Variants in ZNF503 observed in about 807,000 individuals in gnomAD.
The protein encoded by ZNF503 is zinc finger protein 503.
In ZNF503, 15 loss-of-function variants were observed where a neutral mutation model predicts 34.4. That is an observed-to-expected ratio of 0.44 (90% CI 0.29 to 0.67). The LOEUF (loss-of-function observed/expected upper bound fraction) is 0.67, where lower values mean the gene tolerates loss of function less well. Among genes scored for constraint, ZNF503 ranks in the 30% least tolerant of loss-of-function variants. ZNF503 has a pLI of 0.13. For missense variants in ZNF503, 1,007 were observed against 926.8 expected, an observed-to-expected ratio of 1.09 and a Z score of -1.12; for synonymous variants, 580 against 456.8, an observed-to-expected ratio of 1.27 and a Z score of -3.44.
At chr10:75,286,963 G>A in the ZNF503 span, among the ~76,000 whole-genome samples, 1 of 152,188 alleles carries the variant, frequency 6.6e-6, no homozygotes, top group Non-Finnish European at 1.5e-5. Context: ...CACTGGGAGT[G>A]AGGTGTGATC....
the ZNF503 span, among the ~76,000 whole-genome samples, chr10:75,328,024 A>C: frequency 6.6e-6 from 1 of 152,078 alleles, no homozygotes. Flanking sequence ...AATAGTTTGA[A>C]AATGTTTTCT....
the ZNF503 span, among the ~76,000 whole-genome samples, chr10:75,311,307 G>C: frequency 6.6e-6 from 1 of 152,098 alleles, no homozygotes; most frequent in African/African-American, 2.4e-5. Flanking sequence ...ACCCAGTTTG[G>C]GGGTGGGTCT....
At chr10:75,311,616 G>A in the ZNF503 span, among the ~76,000 whole-genome samples, 1 of 145,876 alleles carries the variant, frequency 6.9e-6, no homozygotes, top group East Asian at 2.1e-4. Flanking sequence ...TTGAGGCCAG[G>A]AGTTTGAGAA....
rs1000173764 is a variant in ZNF503, at chr10:75,399,910, C to T, written c.780G>A (p.Val260=). The change falls in exon 2 of 2, where the codon GTG becomes GTA. Residue 260 remains valine (V), a synonymous_variant. Transcript: ENST00000372524. ...EGKDDKKDTD[V]GGGGKGTGGA... ...CCCCGGTGCCCTTGCCACCGCCGCC[C>T]ACGTCGGTGTCTTTCTTGTCGTCCT... The T allele has an allele frequency of 6.2e-7, 1 of 1,605,070 alleles. No individual in the cohort carries two copies. The highest frequency in any genetic ancestry group is 1.3e-5 in the African/African-American group (1 of 74,828).
chr10:75,297,884 C>T, the ZNF503 span, among the ~76,000 whole-genome samples: 2 of 152,202 alleles, frequency 1.3e-5, no homozygotes, highest in South Asian at 4.1e-4. Context: ...ATTCTCATCC[C>T]AGCTTCTCCC....
chr10:75,316,978 G>T, the ZNF503 span, among the ~76,000 whole-genome samples: 4 of 152,102 alleles, frequency 2.6e-5, no homozygotes, highest in African/African-American at 9.7e-5. Flanking sequence ...GTCTTGCTCT[G>T]TCTCCCAGGC....
chr10:75,372,076 G>A, the ZNF503 span, among the ~76,000 whole-genome samples: 2 of 152,104 alleles, frequency 1.3e-5, no homozygotes, highest in African/African-American at 4.8e-5. Context: ...GATTACAGGT[G>A]CCCGCTACCA....
chr10:75,381,136 T>C, the ZNF503 span, among the ~76,000 whole-genome samples: 1 of 152,192 alleles, frequency 6.6e-6, no homozygotes, highest in African/African-American at 2.4e-5. Flanking sequence ...GCTAGATGGG[T>C]CTTGTGACCG....
At chr10:75,373,894 C>T in the ZNF503 span, among the ~76,000 whole-genome samples, 169 of 152,364 alleles carry the variant, frequency 1.1e-3, no homozygotes, top group Non-Finnish European at 1.8e-3. Context: ...TCTTTCCACA[C>T]ATCATTCCAG....
At chr10:75,328,017 A>G in the ZNF503 span, among the ~76,000 whole-genome samples, 12 of 152,308 alleles carry the variant, frequency 7.9e-5, no homozygotes, top group East Asian at 1.9e-3. Flanking sequence ...GTCAGATAAT[A>G]GTTTGAAAAT....
the ZNF503 span, among the ~76,000 whole-genome samples, chr10:75,331,399 G>C: frequency 6.6e-6 from 1 of 152,228 alleles, no homozygotes; most frequent in Non-Finnish European, 1.5e-5. Context: ...AGTGCGGGAT[G>C]TTGAAGTCCC....
Position 75,399,859 on chromosome 10 carries a change from C to G in ZNF503, c.831G>C (p.Thr277=). ...TGGASAEGGP[T]GLAHGRISCG... is the part of the protein sequence containing the mutation. Reference sequence around the variant, plus strand: ...AGCTAATCCGGCCGTGTGCCAGCCCCGTGGGTCCCCCTTCGGCCGAGGCGC... The same window carrying G: ...AGCTAATCCGGCCGTGTGCCAGCCCGGTGGGTCCCCCTTCGGCCGAGGCGC... The change falls in exon 2 of 2, where the codon ACG becomes ACC. Residue 277 remains threonine (T), a synonymous_variant. Transcript: ENST00000372524. The G allele has an allele frequency of 1.2e-6, 2 of 1,602,682 alleles. No homozygotes were observed. Among genetic ancestry groups the G allele is most frequent in the Non-Finnish European group, 1.7e-6 (2 of 1,175,924 alleles).
chr10:75,352,481 T>C, the ZNF503 span, among the ~76,000 whole-genome samples: 1 of 152,218 alleles, frequency 6.6e-6, no homozygotes, highest in South Asian at 2.1e-4. Context: ...TCCAGGCTGA[T>C]GGAGGAAACA....
the ZNF503 span, chr10:75,360,961 A>T: frequency 1.3e-5 from 2 of 152,076 alleles, no homozygotes; most frequent in Non-Finnish European, 2.9e-5. Flanking sequence ...GTGTGGGGAG[A>T]CCTCTCCTGG....
the ZNF503 span, chr10:75,382,416 G>T: frequency 4.8e-6 from 2 of 416,918 alleles, no homozygotes; most frequent in Non-Finnish European, 9.3e-6. Context: ...GTTTCCTCAT[G>T]TCGGAGACTA....
Position 75,399,520 on chromosome 10 carries a change from C to A in ZNF503, c.1170G>T (p.Val390=). The A allele has an allele frequency of 1.3e-6, 2 of 1,583,186 alleles. No homozygotes were observed. Among genetic ancestry groups the A allele is most frequent in the Non-Finnish European group, 1.7e-6 (2 of 1,171,882 alleles). Residue 390 remains valine, a synonymous_variant, in exon 2 of 2, where the codon GTG becomes GTT. Transcript: ENST00000372524. The part of the protein sequence containing the change: ...ALDPTKPGSL[V]GAQLAAAAAG... ...CCGCGGCCGCCGCCAGCTGCGCCCC[C>A]ACCAGGCTGCCCGGCTTGGTGGGGT...
chr10:75,330,145 A>G, the ZNF503 span, among the ~76,000 whole-genome samples: 1 of 152,152 alleles, frequency 6.6e-6, no homozygotes, highest in Non-Finnish European at 1.5e-5. Context: ...TGTTGATGTG[A>G]TGTACCACAT....
At chr10:75,297,979 C>T in the ZNF503 span, among the ~76,000 whole-genome samples, 6 of 148,516 alleles carry the variant, frequency 4.0e-5, no homozygotes, top group African/African-American at 7.9e-5. Context: ...ACCTACATAC[C>T]GTAAAATCAT....
In ZNF503 at chr10:75,401,203, G is replaced by T; in HGVS notation, c.217C>A (p.Pro73Thr). ...GTCAGCATCTTCAGCACCTTGATTG[G>T]CAGGCGGTTGGCCTGGCGCAGGGGG... Reference protein sequence around the residue: ...SDPLRQANRLPIKVLKMLTAR... With the variant: ...SDPLRQANRLTIKVLKMLTAR... Residue 73 changes from proline to threonine, a missense_variant, in exon 1 of 2, where the codon CCA (proline) becomes ACA (threonine). By Grantham distance (38) the Pro-to-Thr change is conservative. Coordinates refer to ENST00000372524, the MANE Select transcript of ZNF503 (RefSeq NM_032772.6). 1 of 1,608,446 alleles carries T rather than the reference G, an allele frequency of 6.2e-7. No homozygotes were observed. Among genetic ancestry groups the T allele is most frequent in the Non-Finnish European group, 8.5e-7 (1 of 1,176,856 alleles).
Sources: gnomAD v4.1 joint callset for allele counts (sites outside exome capture counted in the v4.1 genomes callset) on GRCh38, gnomAD v4.1.1 for gene constraint, MANE v1.5 for transcripts, NCBI Gene and HGNC (gene_info 2026-07-23, HGNC 2026-07-21) for gene names.